LRFN2: variants seen among roughly 807,000 people sequenced by gnomAD.
The protein encoded by LRFN2 is leucine rich repeat and fibronectin type III domain containing 2.
Under a neutral mutation model 37.3 loss-of-function variants are expected in LRFN2, and 18 were observed. The ratio of observed to expected loss-of-function variants is 0.48; its 90% CI spans 0.33 to 0.72. The LOEUF (loss-of-function observed/expected upper bound fraction) is 0.72, where lower values mean the gene tolerates loss of function less well. Among genes scored for constraint, LRFN2 ranks in the 30% least tolerant of loss-of-function variants. The pLI is 0.02. For synonymous variants in LRFN2, 556 were observed against 466.6 expected (o/e 1.19, Z -2.47); for missense variants, 1,006 against 1,060.7 (o/e 0.95, Z 0.72).
At chr6:40,546,395 G>A (rs1056073549) in intron 1 of LRFN2, among the ~76,000 whole-genome samples, 2 of 152,124 alleles carry the variant, frequency 1.3e-5, no homozygotes, top group Non-Finnish European at 2.9e-5. Flanking sequence ...GTGACCTGCC[G>A]ATATTGACCC....
At chr6:40,545,918 GGTGTTGT>G (rs1766651811) in intron 1 of LRFN2, among the ~76,000 whole-genome samples, 1 of 152,192 alleles carries the variant, frequency 6.6e-6, no homozygotes, top group East Asian at 1.9e-4. Context: ...TTTTTCTTTT[GGTGTTGT>G]ATCTTCAGCT....
At chr6:40,414,972 T>C (rs2916260) in intron 2 of LRFN2, among the ~76,000 whole-genome samples, 114,965 of 151,994 alleles carry the variant, frequency 0.76, 44,974 homozygotes, top group East Asian at 0.92. Context: ...TGTGGGGCAC[T>C]TTCAGCTTCA....
At chr6:40,440,348 C>T (rs896136367) in intron 1 of LRFN2, among the ~76,000 whole-genome samples, 10 of 152,190 alleles carry the variant, frequency 6.6e-5, no homozygotes, top group African/African-American at 2.4e-4. Context: ...TATGTGTTTG[C>T]CTGCCTTCTA....
intron 1 of LRFN2, among the ~76,000 whole-genome samples, chr6:40,551,865 T>C (rs1448750106): frequency 6.6e-6 from 1 of 152,038 alleles, no homozygotes; most frequent in Admixed American, 6.6e-5. Context: ...TAGAATCAAA[T>C]GTTAAGAAAG....
intron 1 of LRFN2, among the ~76,000 whole-genome samples, chr6:40,433,885 C>T (rs1763577334): frequency 6.6e-6 from 1 of 152,138 alleles, no homozygotes; most frequent in Non-Finnish European, 1.5e-5. Context: ...CATACATCAG[C>T]TCTTTTGGGC....
chr6:40,479,633 A>C (rs930943620), intron 1 of LRFN2, among the ~76,000 whole-genome samples: 1 of 152,146 alleles, frequency 6.6e-6, no homozygotes, highest in Admixed American at 6.5e-5. Flanking sequence ...GTTTTGCTAA[A>C]ACAACGTGAA....
intron 1 of LRFN2, among the ~76,000 whole-genome samples, chr6:40,492,887 G>A (rs1005365719): frequency 1.3e-5 from 2 of 152,114 alleles, no homozygotes; most frequent in Non-Finnish European, 2.9e-5. Context: ...CCCTACCCTG[G>A]GGGAGCTTCC....
chr6:40,482,865 T>A (rs761791009), intron 1 of LRFN2, among the ~76,000 whole-genome samples: 1 of 152,184 alleles, frequency 6.6e-6, no homozygotes, highest in Non-Finnish European at 1.5e-5. Flanking sequence ...AGTAATGGGC[T>A]CCCGGGTGGT....
chr6:40,557,802 T>C (rs1377885560), intron 1 of LRFN2, among the ~76,000 whole-genome samples: 1 of 152,214 alleles, frequency 6.6e-6, no homozygotes, highest in African/African-American at 2.4e-5. Flanking sequence ...TGTCATAAGA[T>C]CCTTGCAAAG....
Position 40,535,495 on chromosome 6 carries a change from G to A in LRFN2, c.-19+51446C>T, listed in dbSNP as rs552665822. ...GTTCCTTGGGGGTGGTTGGAAACCC[G>A]CCTGGGGTCAGGAGACATCCCCACT... On this transcript the variant is annotated intron_variant, in intron 1 of 2. Coordinates refer to ENST00000338305, the MANE Select transcript of LRFN2 (RefSeq NM_020737.3). Among the ~76,000 whole-genome samples the A allele has an allele frequency of 1.8e-3, 278 of 152,206 alleles. 1 individual carries two copies. The highest frequency in any genetic ancestry group is 3.1e-3 in the Admixed American group (48 of 15,300).
chr6:40,510,364 G>A (rs566585591), intron 1 of LRFN2, among the ~76,000 whole-genome samples: 79 of 152,316 alleles, frequency 5.2e-4, no homozygotes, highest in African/African-American at 1.7e-3. Flanking sequence ...AGCCAGGTAA[G>A]GCTGGAGATT....
At chr6:40,396,183 G>A (rs1166847105) in intron 2 of LRFN2, among the ~76,000 whole-genome samples, 13 of 152,170 alleles carry the variant, frequency 8.5e-5, no homozygotes, top group Admixed American at 8.5e-4. Flanking sequence ...CCCTAACATT[G>A]TTGGGAGGCC....
chr6:40,461,754 T>A (rs188368964), intron 1 of LRFN2, among the ~76,000 whole-genome samples: 157 of 152,300 alleles, frequency 1.0e-3, no homozygotes, highest in African/African-American at 3.4e-3. Flanking sequence ...TGAAATTTAA[T>A]GTAATTTGGA....
intron 1 of LRFN2, among the ~76,000 whole-genome samples, chr6:40,528,844 C>T (rs926672691): frequency 5.3e-5 from 8 of 152,154 alleles, no homozygotes; most frequent in African/African-American, 1.9e-4. Context: ...ATCTTCACCC[C>T]GGGTCCCCAT....
chr6:40,527,765 A>C (rs1264977583), intron 1 of LRFN2, among the ~76,000 whole-genome samples: 1 of 152,226 alleles, frequency 6.6e-6, no homozygotes. Flanking sequence ...CTGTTTTTAA[A>C]ATAATTAAAG....
intron 1 of LRFN2, among the ~76,000 whole-genome samples, chr6:40,440,951 G>C (rs1194716070): frequency 6.6e-6 from 1 of 152,150 alleles, no homozygotes; most frequent in Non-Finnish European, 1.5e-5. Context: ...CCAGCTCAGA[G>C]CAAACTTCTT....
intron 2 of LRFN2, among the ~76,000 whole-genome samples, chr6:40,421,827 A>T (rs1219085822): frequency 6.6e-6 from 1 of 151,898 alleles, no homozygotes; most frequent in African/African-American, 2.4e-5. Context: ...GACGGAAATA[A>T]CCCCCAAATT....
intron 2 of LRFN2, among the ~76,000 whole-genome samples, chr6:40,402,057 C>T (rs1214138200): frequency 2.6e-5 from 4 of 152,182 alleles, no homozygotes; most frequent in African/African-American, 7.2e-5. Flanking sequence ...GCCCTTACTC[C>T]CAGATTCTCT....
At chr6:40,480,045 G>A (rs1292538044) in intron 1 of LRFN2, among the ~76,000 whole-genome samples, 1 of 152,180 alleles carries the variant, frequency 6.6e-6, no homozygotes, top group East Asian at 1.9e-4. Flanking sequence ...TGGCCTAGTA[G>A]GAAGGATAAA....
Sources: gnomAD v4.1 joint callset for allele counts (sites outside exome capture counted in the v4.1 genomes callset) on GRCh38, gnomAD v4.1.1 for gene constraint, MANE v1.5 for transcripts, NCBI Gene and HGNC (gene_info 2026-07-23, HGNC 2026-07-21) for gene names.